The following TBCK variants were observed in gnomAD, a reference collection of about 807,000 sequenced individuals.
The protein encoded by TBCK is TBC domain-containing protein kinase-like protein.
In TBCK, 99 loss-of-function variants were observed where a neutral mutation model predicts 113.4. The observed-to-expected ratio is 0.87, with a 90% CI of 0.74 to 1.03. The LOEUF is 1.03. Among genes scored for constraint, TBCK ranks in the 50% least tolerant of loss-of-function variants. The pLI is 0.00. For synonymous variants in TBCK, 369 were observed against 370.8 expected, an observed-to-expected ratio of 1.00 and a Z score of 0.05; for missense variants, 1,045 against 1,061.3, an observed-to-expected ratio of 0.98 and a Z score of 0.21.
intron 1 of TBCK, among the ~76,000 whole-genome samples, chr4:106,315,350 A>C (rs1768688478): frequency 6.6e-6 from 1 of 152,220 alleles, no homozygotes; most frequent in South Asian, 2.1e-4. Flanking sequence ...GAAAGTAAAA[A>C]ATAGGGCAAA....
intron 25 of TBCK, among the ~76,000 whole-genome samples, chr4:106,082,187 T>A (rs1738952836): frequency 6.6e-6 from 1 of 151,500 alleles, no homozygotes; most frequent in Non-Finnish European, 1.5e-5. Flanking sequence ...AGCAAAGACA[T>A]GGAGTCAACA....
intron 1 of TBCK, among the ~76,000 whole-genome samples, chr4:106,313,527 C>T (rs974696423): frequency 2.0e-5 from 3 of 152,184 alleles, no homozygotes; most frequent in Admixed American, 6.5e-5. Flanking sequence ...CTTTCACTTG[C>T]CTTTTGTGAG....
chr4:106,095,629 A>C lies in TBCK; in HGVS notation c.2424T>G (p.Gly808=), dbSNP rs1289798177. ...DIRNSEDFIR[G]HISGSINIPF... ...GAATGTTGATGCTTCCTGAAATGTG[A>C]CCACGAATAAAGCTGAGAAGGAAAG... Residue 808 remains glycine, a synonymous_variant, in exon 25 of 26, where the codon GGT becomes GGG. Transcript: ENST00000394708. The C allele has an allele frequency of 1.2e-6, 2 of 1,612,884 alleles. No homozygotes were observed. Among genetic ancestry groups the C allele is most frequent in the Non-Finnish European group, 1.7e-6 (2 of 1,179,552 alleles).
chr4:106,298,259 T>C (rs1180481153), intron 2 of TBCK, among the ~76,000 whole-genome samples: 1 of 152,168 alleles, frequency 6.6e-6, no homozygotes, highest in Non-Finnish European at 1.5e-5. Flanking sequence ...TCCTAAGTTT[T>C]AAATTGCATG....
At chr4:106,228,173 T>C (rs1399479934) in intron 19 of TBCK, among the ~76,000 whole-genome samples, 3 of 152,034 alleles carry the variant, frequency 2.0e-5, no homozygotes, top group Non-Finnish European at 4.4e-5. Context: ...ATGCAATGCA[T>C]AATCTCATTC....
At chr4:106,251,784 T>C (rs1244041562) in intron 6 of TBCK, 82 bp downstream of exon 6, 3 of 1,209,884 alleles carry the variant, frequency 2.5e-6, no homozygotes, top group African/African-American at 3.1e-5. Flanking sequence ...AAAAACATAC[T>C]ATTATTAACT....
At chr4:106,059,352 C>A (rs1046563359) in intron 25 of TBCK, among the ~76,000 whole-genome samples, 1 of 151,738 alleles carries the variant, frequency 6.6e-6, no homozygotes, top group Non-Finnish European at 1.5e-5. Flanking sequence ...CTGTGTCAAG[C>A]AAGTCTATTG....
At chr4:106,307,908 CT>C (rs1301566266) in intron 2 of TBCK, among the ~76,000 whole-genome samples, 1 of 151,866 alleles carries the variant, frequency 6.6e-6, no homozygotes, top group East Asian at 1.9e-4. Context: ...TAGGGTTCAA[CT>C]TTTCTAATTC....
chr4:106,078,675 T>C (rs1738508642), intron 25 of TBCK, among the ~76,000 whole-genome samples: 2 of 151,564 alleles, frequency 1.3e-5, no homozygotes, highest in African/African-American at 2.4e-5. Flanking sequence ...CTGAACCAGA[T>C]GGATTCACAG....
chr4:106,065,348 C>T (rs979403497), intron 25 of TBCK, among the ~76,000 whole-genome samples: 1 of 152,082 alleles, frequency 6.6e-6, no homozygotes, highest in East Asian at 1.9e-4. Flanking sequence ...TTTCTAAGCC[C>T]AGAGAATCTA....
chr4:106,303,940 G>A (rs28669800), intron 2 of TBCK, among the ~76,000 whole-genome samples: 2 of 152,092 alleles, frequency 1.3e-5, no homozygotes, highest in African/African-American at 4.8e-5. Context: ...GATGATGCTA[G>A]CATTGCCATT....
chr4:106,235,203 GCA>G, intron 15 of TBCK, 64 bp downstream of exon 15: 1 of 982,856 alleles, frequency 1.0e-6, no homozygotes, highest in Non-Finnish European at 1.5e-6. Flanking sequence ...TATTTGGAAA[GCA>G]CTCTCCTTCT....
intron 23 of TBCK, 47 bp downstream of exon 23, chr4:106,171,048 C>A (rs761798109): frequency 1.4e-6 from 2 of 1,460,600 alleles, no homozygotes; most frequent in East Asian, 4.7e-5. Flanking sequence ...TTAATTTTAA[C>A]ATCCATCTCC....
At chr4:106,266,817 G>A (rs1763035892) in intron 3 of TBCK, among the ~76,000 whole-genome samples, 1 of 151,542 alleles carries the variant, frequency 6.6e-6, no homozygotes, top group Non-Finnish European at 1.5e-5. Context: ...AGAATTTTAT[G>A]TACTTACTAG....
intron 23 of TBCK, among the ~76,000 whole-genome samples, chr4:106,118,165 T>C (rs987696476): frequency 3.3e-5 from 5 of 152,172 alleles, no homozygotes; most frequent in East Asian, 3.8e-4. Flanking sequence ...CTCAGTTACA[T>C]TGTGGAATTC....
intron 3 of TBCK, among the ~76,000 whole-genome samples, chr4:106,268,202 T>A (rs1763161360): frequency 6.6e-6 from 1 of 152,066 alleles, no homozygotes; most frequent in South Asian, 2.1e-4. Flanking sequence ...ATTTCAATAA[T>A]TTTTTGCAAA....
chr4:106,166,327 A>G (rs922091109), intron 23 of TBCK, among the ~76,000 whole-genome samples: 1 of 151,844 alleles, frequency 6.6e-6, no homozygotes, highest in African/African-American at 2.4e-5. Flanking sequence ...CATGTTAACT[A>G]AATAGAAATA....
intron 25 of TBCK, among the ~76,000 whole-genome samples, chr4:106,086,941 TAA>T (rs1393356416): frequency 3.3e-5 from 5 of 152,100 alleles, no homozygotes; most frequent in African/African-American, 9.7e-5. Flanking sequence ...CTCAAAATAA[TAA>T]GAGTTATTTA....
chr4:106,197,447 C>T (rs1754396586), intron 20 of TBCK, among the ~76,000 whole-genome samples: 1 of 138,102 alleles, frequency 7.2e-6, no homozygotes, highest in Non-Finnish European at 1.6e-5. Context: ...CAAAGTAGGG[C>T]AGAAACCACT....
Sources: allele counts gnomAD v4.1 joint callset (sites outside exome capture counted in the v4.1 genomes callset), GRCh38; gene constraint gnomAD v4.1.1; transcripts MANE v1.5; gene names NCBI Gene and HGNC (gene_info 2026-07-23, HGNC 2026-07-21).